SACS: variants seen among roughly 807,000 people sequenced by gnomAD.
SACS encodes the protein sacsin.
A neutral mutation model predicts 348.0 loss-of-function variants in SACS; 197 were observed. That is an observed-to-expected ratio of 0.57 (90% CI 0.50 to 0.64). SACS has a LOEUF of 0.64. Among genes scored for constraint, SACS ranks in the 30% least tolerant of loss-of-function variants. The pLI is 0.00. For missense variants in SACS, 4,999 were observed against 5,360.8 expected (o/e 0.93, Z 2.11); for synonymous variants, 1,985 against 1,910.6 (o/e 1.04, Z -1.02).
In SACS at chr13:23,355,468, C is replaced by T. The variant is rs372223239; in HGVS notation, c.1144G>A (p.Glu382Lys). The T allele has an allele frequency of 1.9e-6, 3 of 1,614,124 alleles. No individual in the cohort carries two copies. Among genetic ancestry groups the T allele is most frequent in the Non-Finnish European group, 2.5e-6 (3 of 1,179,964 alleles). ...GTTTTCTGTGCATCCTTAGTACTCT[C>T]CTCTTCTAAAACAATATTTACGTGA... Reference protein sequence around the residue: ...TYHVNIVLEEESTKDAQKTSW... With the variant: ...TYHVNIVLEEKSTKDAQKTSW... Residue 382 changes from glutamate to lysine, a missense_variant, in exon 8 of 10, where the codon GAG becomes AAG. Around this residue, in one of 6 missense-constraint regions of SACS, gnomAD observed 3,156 missense variants for 3,380.1 expected, o/e 0.93. Transcript: ENST00000382292.
In SACS at chr13:23,354,778, C is replaced by T; in HGVS notation, c.1834G>A (p.Val612Ile). 1 of 1,614,180 alleles carries T rather than the reference C, an allele frequency of 6.2e-7. No homozygotes were observed. Residue 612 changes from valine (V) to isoleucine (I), a missense_variant, in exon 8 of 10, where the codon GTT becomes ATT. Around this residue, in one of 6 missense-constraint regions of SACS, gnomAD observed 3,156 missense variants for 3,380.1 expected, o/e 0.93. Coordinates refer to ENST00000382292, the MANE Select transcript of SACS (RefSeq NM_014363.6). ...AKVPGNVDAA[V>I]QLTAASGTTP... ...GTGCCAGAGGCAGCTGTGAGCTGAA[C>T]AGCAGCATCCACATTCCCTGGTACC...
At chr13:23,380,148 T>TGTGTGTGA (rs35527942) in intron 2 of SACS, among the ~76,000 whole-genome samples, 15 of 147,778 alleles carry the variant, frequency 1.0e-4, no homozygotes, top group Non-Finnish European at 1.4e-4. Context: ...TGTGTGTGTG[T>TGTGTGTGA]GAGAGAGAGA....
At chr13:23,413,166 T>C (rs192182176) in intron 1 of SACS, among the ~76,000 whole-genome samples, 153 of 152,230 alleles carry the variant, frequency 1.0e-3, no homozygotes, top group South Asian at 3.3e-3. Flanking sequence ...TAGTAGAGGA[T>C]GGGATTTCTC....
chr13:23,431,837 C>G (rs940747519), intron 1 of SACS, among the ~76,000 whole-genome samples: 3 of 152,190 alleles, frequency 2.0e-5, no homozygotes, highest in African/African-American at 7.2e-5. Context: ...ATGCACTCAG[C>G]CAAAAGTTCA....
chr13:23,357,654 A>AT (rs1026691711), intron 7 of SACS, among the ~76,000 whole-genome samples: 5 of 152,160 alleles, frequency 3.3e-5, no homozygotes, highest in Admixed American at 1.3e-4. Context: ...CCATTACAAA[A>AT]TTTTTTATCA....
chr13:23,369,660 T>C (rs1037121251), intron 4 of SACS, among the ~76,000 whole-genome samples: 1 of 151,848 alleles, frequency 6.6e-6, no homozygotes, highest in Non-Finnish European at 1.5e-5. Flanking sequence ...TTCCCCTGCC[T>C]CAGCCTCCTG....
chr13:23,374,763 T>G (rs1480521725), intron 3 of SACS, among the ~76,000 whole-genome samples: 1 of 152,172 alleles, frequency 6.6e-6, no homozygotes, highest in Non-Finnish European at 1.5e-5. Context: ...AAGGTGAAGA[T>G]ATTTACCAAC....
Position 23,375,521 on chromosome 13 carries a change from A to C in SACS, c.21-252T>G, listed in dbSNP as rs1362390568. 3.6e-6 allele frequency: 4 copies of C among 1,101,102 alleles called. No individual in the cohort carries two copies. In the East Asian group the frequency reaches 2.2e-4, roughly 59 times the overall value. The allele number at this position is 1,101,102 out of a possible 1,614,324, so 68.2% of individuals were successfully genotyped here. A position where few individuals can be genotyped will look rare whatever the true frequency, so the allele number is the denominator to read the frequency against. ...CGCGCCGAGGAGGAAACGCTAGAGG[A>C]AGCCGCGGCGGCCGAGGAGCAGGCG... On this transcript the variant is annotated intron_variant, in intron 2 of 9. Transcript: ENST00000382292.
At chr13:23,356,879 A>C (rs868665178) in intron 7 of SACS, among the ~76,000 whole-genome samples, 1 of 152,158 alleles carries the variant, frequency 6.6e-6, no homozygotes. Flanking sequence ...CCAACTCCCA[A>C]GCTTGTGGGT....
chr13:23,334,440 TTTC>T lies in SACS; in HGVS notation c.9433_9435del (p.Glu3145del). 1 of 1,612,618 alleles carries T rather than the reference TTTC, an allele frequency of 6.2e-7. No homozygotes were observed. The highest frequency in any genetic ancestry group is 8.5e-7 in the Non-Finnish European group (1 of 1,179,776). On this transcript the variant is annotated inframe_deletion, in exon 10 of 10. Coordinates refer to ENST00000382292, the MANE Select transcript of SACS (RefSeq NM_014363.6). ...GGCAATCCCTCAACTTCAATCTCAT[TTTC>T]TTCTGCATCTTTAAAACAATAATCA...
At chr13:23,358,546 G>A (rs1309753108) in intron 6 of SACS, 65 bp from the exon 7 acceptor site, 4 of 1,549,100 alleles carry the variant, frequency 2.6e-6, no homozygotes, top group East Asian at 2.2e-5. Flanking sequence ...TCTATCTCAA[G>A]AGATCCTCTA....
At position 23,349,037 on chromosome 13, in the gene SACS, A is replaced by G. The variant is rs531764404; in HGVS notation, c.2185+4748T>C. On this transcript the variant is annotated intron_variant, in intron 9 of 9. Coordinates refer to ENST00000382292, the MANE Select transcript of SACS (RefSeq NM_014363.6). ...CACTCCAAAATCATGGAAGTTTACA[A>G]TCATGGAAAGTCCCCTAGTTCATGC... Among the ~76,000 whole-genome samples, 142 of 152,326 alleles carry G rather than the reference A, an allele frequency of 9.3e-4. 1 individual carries two copies. The highest frequency in any genetic ancestry group is 3.4e-3 in the Middle Eastern group (1 of 294).
chr13:23,393,726 G>A (rs2137904524), intron 2 of SACS, among the ~76,000 whole-genome samples: 1 of 152,034 alleles, frequency 6.6e-6, no homozygotes, highest in Non-Finnish European at 1.5e-5. Context: ...GCCCCTTTTG[G>A]CCCTACCTCA....
rs555506154 is a variant in SACS, at chr13:23,381,642, G to A, written c.21-6373C>T. On this transcript the variant is annotated intron_variant, in intron 2 of 9. Transcript: ENST00000382292. ...AGATAGAATCCCTAGACGTTGATTT[G>A]ATTAAACTAACATCCTCTGGTCAGA... 5.3e-5 allele frequency among the ~76,000 whole-genome samples: 8 copies of A among 152,228 alleles called. No individual in the cohort carries two copies. The South Asian group carries it at 1.7e-3, about 32-fold the overall frequency.
rs752730026 is a variant in SACS, at chr13:23,338,567, A to G, written c.5309T>C (p.Val1770Ala). Residue 1770 changes from valine (V) to alanine (A), a missense_variant, in exon 10 of 10, where the codon GTG becomes GCG. Around this residue, in one of 6 missense-constraint regions of SACS, gnomAD observed 3,156 missense variants for 3,380.1 expected, o/e 0.93. Coordinates refer to ENST00000382292, the MANE Select transcript of SACS (RefSeq NM_014363.6). ...CTGTAAATCAGCAATCCTTCTGAACACATGGTGAAATTCTTCCACTGTGAT... is the reference window on the plus strand; with the variant it reads ...CTGTAAATCAGCAATCCTTCTGAACGCATGGTGAAATTCTTCCACTGTGAT... The part of the protein sequence containing the change: ...LQITVEEFHH[V>A]FRRIADLQSP... 1.9e-6 allele frequency: 3 copies of G among 1,614,062 alleles called. No individual in the cohort carries two copies. The highest frequency in any genetic ancestry group is 2.5e-6 in the Non-Finnish European group (3 of 1,179,954).
In SACS at chr13:23,335,791, G is replaced by A. The variant is rs949387274; in HGVS notation, c.8085C>T (p.Cys2695=). 1 of 1,613,994 alleles carries A rather than the reference G, an allele frequency of 6.2e-7. No individual in the cohort carries two copies. The highest frequency in any genetic ancestry group is 8.5e-7 in the Non-Finnish European group (1 of 1,179,916). The part of the protein sequence containing the change: ...YLGTHFKLDN[C]TMFRFPLRNA... ...TACGAAGAGGAAATCTGAACATTGT[G>A]CAATTATCCAGTTTAAAATGGGTTC... is the stretch of plus-strand genomic sequence containing the variant. The change falls in exon 10 of 10, where the codon TGC becomes TGT. Residue 2695 remains cysteine, a synonymous_variant. Transcript: ENST00000382292. The surrounding 1 kb of genome is among the most constrained non-coding windows in gnomAD (Gnocchi z 4.7).
chr13:23,401,541 T>C (rs576393462), intron 2 of SACS, among the ~76,000 whole-genome samples: 16 of 152,364 alleles, frequency 1.1e-4, no homozygotes, highest in Admixed American at 3.9e-4. Flanking sequence ...CAGGACTTCC[T>C]GAGGCTATGT....
intron 9 of SACS, among the ~76,000 whole-genome samples, chr13:23,346,479 T>C (rs1418531613): frequency 6.6e-6 from 1 of 152,120 alleles, no homozygotes; most frequent in Non-Finnish European, 1.5e-5. Context: ...TTTGTGTGCG[T>C]CGTATAATAG....
In SACS at chr13:23,411,274, C is replaced by T; in HGVS notation, c.-35G>A. The T allele has an allele frequency of 6.3e-7, 1 of 1,590,220 alleles. No individual in the cohort carries two copies. The highest frequency in any genetic ancestry group is 8.6e-7 in the Non-Finnish European group (1 of 1,158,502). ...TCCTGGGATATTTGTTTGTGAAAAC[C>T]ATGAAAGTACGCTTCTTTCTTCTGT... On this transcript the variant is annotated 5_prime_UTR_variant, in exon 2 of 10. It removes an upstream start codon present in the reference 5' UTR. Transcript: ENST00000382292.
Sources: gnomAD v4.1 joint callset for allele counts (sites outside exome capture counted in the v4.1 genomes callset) on GRCh38, gnomAD v4.1.1 for gene constraint, gnomAD v4.1.1 regional missense constraint, Gnocchi (gnomAD v3.1) non-coding constraint, MANE v1.5 for transcripts, NCBI Gene and HGNC (gene_info 2026-07-23, HGNC 2026-07-21) for gene names.